The following TNR variants were observed in gnomAD, a reference collection of about 807,000 sequenced individuals.
TNR encodes tenascin-R.
In TNR, 45 loss-of-function variants were observed where a neutral mutation model predicts 150.4. The ratio of observed to expected loss-of-function variants is 0.30; its 90% CI spans 0.24 to 0.38. The LOEUF is 0.38. Ranked by LOEUF, TNR falls within the 10% of genes least tolerant of loss-of-function variation. The pLI is 1.00. For missense variants in TNR, 1,544 were observed against 1,759.1 expected, an observed-to-expected ratio of 0.88 and a Z score of 2.19; for synonymous variants, 687 against 678.4, an observed-to-expected ratio of 1.01 and a Z score of -0.20.
intron 2 of TNR, among the ~76,000 whole-genome samples, chr1:175,418,140 A>G (rs1028976013): frequency 6.6e-6 from 1 of 152,188 alleles, no homozygotes; most frequent in African/African-American, 2.4e-5. Flanking sequence ...ATTCAGTTAC[A>G]CACTGATTGC....
intron 2 of TNR, among the ~76,000 whole-genome samples, chr1:175,413,018 T>C (rs1654279316): frequency 6.6e-6 from 1 of 152,154 alleles, no homozygotes; most frequent in African/African-American, 2.4e-5. Flanking sequence ...AGGTGGCCTG[T>C]CTTTGGCACT....
chr1:175,333,301 A>G (rs1650041668), intron 20 of TNR: 1 of 152,258 alleles, frequency 6.6e-6, no homozygotes, highest in Non-Finnish European at 1.5e-5. Flanking sequence ...TTTTAAGTGC[A>G]TGATAGTTTA....
intron 1 of TNR, among the ~76,000 whole-genome samples, chr1:175,584,875 T>C (rs1433010367): frequency 6.6e-6 from 1 of 152,220 alleles, no homozygotes; most frequent in Non-Finnish European, 1.5e-5. Context: ...TAAGTGTAAA[T>C]GAACTTTTCT....
chr1:175,578,618 C>T (rs544300714), intron 1 of TNR, among the ~76,000 whole-genome samples: 1 of 152,278 alleles, frequency 6.6e-6, no homozygotes, highest in East Asian at 1.9e-4. Context: ...ACAGCTCCAC[C>T]TTGGGTTCAC....
chr1:175,331,073 CTTTCCT>C (rs1228762509), intron 20 of TNR, among the ~76,000 whole-genome samples: 96 of 123,310 alleles, frequency 7.8e-4, no homozygotes, highest in Admixed American at 1.6e-3. Context: ...TTCTTTCTTT[CTTTCCT>C]TCTTTCTTTC....
At chr1:175,539,934 CATGGAAGACA>C (rs1660438958) in intron 1 of TNR, among the ~76,000 whole-genome samples, 1 of 152,048 alleles carries the variant, frequency 6.6e-6, no homozygotes, top group African/African-American at 2.4e-5. Flanking sequence ...TAAGGACTGC[CATGGAAGACA>C]TCAAAAGGAG....
intron 1 of TNR, among the ~76,000 whole-genome samples, chr1:175,642,652 C>A (rs571598511): frequency 6.6e-6 from 1 of 152,264 alleles, no homozygotes; most frequent in Admixed American, 6.5e-5. Context: ...GGGGCCTCAG[C>A]CTGCTGCGGT....
At chr1:175,561,633 T>G (rs1363030009) in intron 1 of TNR, among the ~76,000 whole-genome samples, 2 of 152,138 alleles carry the variant, frequency 1.3e-5, no homozygotes, top group Non-Finnish European at 2.9e-5. Context: ...TAAGACCTGA[T>G]TTTCAGAGGA....
chr1:175,340,655 G>A (rs1650478680), intron 18 of TNR, among the ~76,000 whole-genome samples: 1 of 152,200 alleles, frequency 6.6e-6, no homozygotes, highest in Non-Finnish European at 1.5e-5. Flanking sequence ...GGGAATCAGT[G>A]TTTTACTGAA....
chr1:175,605,359 G>A (rs1663373982), intron 1 of TNR, among the ~76,000 whole-genome samples: 1 of 152,178 alleles, frequency 6.6e-6, no homozygotes, highest in Non-Finnish European at 1.5e-5. Context: ...GTCTAGCACT[G>A]TGCCTGGGTC....
chr1:175,402,815 T>A (rs921868172), intron 4 of TNR, among the ~76,000 whole-genome samples: 4 of 152,152 alleles, frequency 2.6e-5, no homozygotes, highest in Non-Finnish European at 5.9e-5. Context: ...GTCCCATGAC[T>A]TCACTGTCTA....
intron 8 of TNR, among the ~76,000 whole-genome samples, chr1:175,382,130 A>G (rs1262079250): frequency 6.6e-6 from 1 of 152,168 alleles, no homozygotes; most frequent in Non-Finnish European, 1.5e-5. Context: ...CTCATAATCA[A>G]AATAATTTTG....
intron 2 of TNR, among the ~76,000 whole-genome samples, chr1:175,452,024 C>G (rs969404384): frequency 1.3e-5 from 2 of 152,174 alleles, no homozygotes; most frequent in Non-Finnish European, 2.9e-5. Flanking sequence ...CTGTCCCAGG[C>G]TCCCACTCAG....
intron 1 of TNR, among the ~76,000 whole-genome samples, chr1:175,529,398 T>C (rs899573080): frequency 2.0e-5 from 3 of 152,200 alleles, no homozygotes; most frequent in African/African-American, 7.2e-5. Flanking sequence ...GGAAGAAGTG[T>C]AAAGATTATT....
chr1:175,411,549 C>G (rs1273750953), intron 2 of TNR, among the ~76,000 whole-genome samples: 1 of 151,884 alleles, frequency 6.6e-6, no homozygotes, highest in East Asian at 1.9e-4. Flanking sequence ...GAGAGAGAAT[C>G]TGCCCCATGC....
rs564420231 is a variant in TNR, at chr1:175,516,775, T to C, written c.-64+11494A>G. ...TTAGGGCACTATCTATTAATAAATA[T>C]TCTATTATTTTGTTCAGAAATTGAA... On this transcript the variant is annotated intron_variant, in intron 2 of 22. Transcript: ENST00000367674. Among the ~76,000 whole-genome samples the C allele has an allele frequency of 2.0e-5, 3 of 152,322 alleles. No homozygotes were observed. The East Asian group carries it at 5.8e-4, about 29-fold the overall frequency.
chr1:175,580,538 C>T (rs974870754), intron 1 of TNR, among the ~76,000 whole-genome samples: 7 of 152,234 alleles, frequency 4.6e-5, no homozygotes, highest in African/African-American at 1.7e-4. Context: ...ACAAGAATAG[C>T]AGTCTTATTA....
intron 1 of TNR, among the ~76,000 whole-genome samples, chr1:175,623,179 A>C (rs1464206111): frequency 6.6e-6 from 1 of 152,208 alleles, no homozygotes; most frequent in Non-Finnish European, 1.5e-5. Context: ...ACCTAAATTG[A>C]CCTGGTTGAT....
At chr1:175,463,627 G>A (rs552724089) in intron 2 of TNR, among the ~76,000 whole-genome samples, 1 of 152,328 alleles carries the variant, frequency 6.6e-6, no homozygotes, top group South Asian at 2.1e-4. Flanking sequence ...GCCCTTTTAA[G>A]ATGTGAAAAT....
Sources: gnomAD v4.1 joint callset for allele counts (sites outside exome capture counted in the v4.1 genomes callset) on GRCh38, gnomAD v4.1.1 for gene constraint, MANE v1.5 for transcripts, NCBI Gene and HGNC (gene_info 2026-07-23, HGNC 2026-07-21) for gene names.